Variants in AGBL4 observed in about 807,000 individuals in gnomAD.
The protein encoded by AGBL4 is AGBL carboxypeptidase 4.
AGBL4 carries 58 observed loss-of-function variants against 66.4 expected under a neutral mutation model. The ratio of observed to expected loss-of-function variants is 0.87; its 90% CI spans 0.71 to 1.09. AGBL4 has a LOEUF of 1.09. AGBL4 is among the 50% of genes least tolerant of loss of function. The pLI is 0.00. For missense variants in AGBL4, 579 were observed against 631.0 expected (o/e 0.92, Z 0.88); for synonymous variants, 234 against 222.9 (o/e 1.05, Z -0.44).
intron 1 of AGBL4, among the ~76,000 whole-genome samples, chr1:49,960,237 A>G (rs1657007741): frequency 6.6e-6 from 1 of 152,078 alleles, no homozygotes; most frequent in Non-Finnish European, 1.5e-5. Flanking sequence ...ATTCGCCCAT[A>G]AAAAAGAATA....
At chr1:49,304,610 G>T (rs1201599649) in intron 3 of AGBL4, among the ~76,000 whole-genome samples, 1 of 152,080 alleles carries the variant, frequency 6.6e-6, no homozygotes, top group African/African-American at 2.4e-5. Context: ...AGGTGGATGG[G>T]ACTTGTAAAC....
chr1:48,781,967 C>A (rs1645305996), intron 6 of AGBL4, among the ~76,000 whole-genome samples: 2 of 152,230 alleles, frequency 1.3e-5, no homozygotes, highest in African/African-American at 4.8e-5. Context: ...TACATGATCT[C>A]AATTACTTCA....
intron 9 of AGBL4, 124 bp downstream of exon 9, chr1:48,634,369 T>C: frequency 1.4e-6 from 1 of 706,714 alleles, no homozygotes; most frequent in Admixed American, 2.4e-5. Context: ...GCAGGCCTAG[T>C]GCCTCCCTGG....
chr1:49,935,904 A>G (rs555249477), intron 1 of AGBL4, among the ~76,000 whole-genome samples: 48 of 152,246 alleles, frequency 3.2e-4, no homozygotes, highest in African/African-American at 1.1e-3. Flanking sequence ...GAGCAGAAAA[A>G]CTGGAAACTC....
At chr1:48,906,598 T>G (rs1652615957) in intron 5 of AGBL4, among the ~76,000 whole-genome samples, 1 of 152,208 alleles carries the variant, frequency 6.6e-6, no homozygotes, top group East Asian at 1.9e-4. Context: ...AACAGCATAT[T>G]CAGAGTTGGG....
intron 3 of AGBL4, among the ~76,000 whole-genome samples, chr1:49,659,218 T>C (rs2124483878): frequency 6.6e-6 from 1 of 152,160 alleles, no homozygotes; most frequent in East Asian, 1.9e-4. Context: ...CACATTGAAG[T>C]ACACAGACCA....
intron 2 of AGBL4, among the ~76,000 whole-genome samples, chr1:49,741,077 T>TAA (rs140051736): frequency 6.6e-5 from 10 of 151,696 alleles, no homozygotes; most frequent in Admixed American, 1.3e-4. Context: ...GATAGAGACA[T>TAA]AAAAAAACCC....
Position 49,688,446 on chromosome 1 carries a change from T to C in AGBL4, c.282+8867A>G, listed in dbSNP as rs1329986226. ...TATGGCTGAATAGTACTCCATTGTG[T>C]AGGTGTACCATTTTTCTTTATCCAT... On this transcript the variant is annotated intron_variant, in intron 3 of 13. Coordinates refer to ENST00000371839, the MANE Select transcript of AGBL4 (RefSeq NM_032785.4). 3.9e-5 allele frequency among the ~76,000 whole-genome samples: 6 copies of C among 152,238 alleles called. No homozygotes were observed. In the East Asian group the frequency reaches 1.2e-3, roughly 29 times the overall value.
intron 1 of AGBL4, among the ~76,000 whole-genome samples, chr1:49,935,622 A>G (rs1301185842): frequency 6.6e-6 from 1 of 151,998 alleles, no homozygotes; most frequent in African/African-American, 2.4e-5. Flanking sequence ...ATGGCCGGGT[A>G]CTCCTCTGAG....
At chr1:49,409,563 C>G (rs1041875884) in intron 3 of AGBL4, among the ~76,000 whole-genome samples, 1 of 152,092 alleles carries the variant, frequency 6.6e-6, no homozygotes, top group African/African-American at 2.4e-5. Context: ...GGTGACAGAG[C>G]TACTTAGAGA....
chr1:48,831,111 G>A (rs1254250833), intron 6 of AGBL4, among the ~76,000 whole-genome samples: 1 of 152,206 alleles, frequency 6.6e-6, no homozygotes, highest in South Asian at 2.1e-4. Flanking sequence ...TCTCTCTGAG[G>A]AGAGGCCATT....
intron 1 of AGBL4, among the ~76,000 whole-genome samples, chr1:49,937,788 C>T (rs972798334): frequency 6.6e-6 from 1 of 152,032 alleles, no homozygotes; most frequent in African/African-American, 2.4e-5. Context: ...TTCTTTGAAA[C>T]CAACGAGAAC....
At chr1:48,590,778 C>CGGGGAGGCAGGAAGACCCCTTCCAT in intron 10 of AGBL4, 55 bp downstream of exon 10, 1 of 1,525,300 alleles carries the variant, frequency 6.6e-7, no homozygotes, top group Non-Finnish European at 8.8e-7. Flanking sequence ...AGAAGGAAGA[C>CGGGGAGGCAGGAAGACCCCTTCCAT]GGGGAGGCAG....
chr1:49,148,659 C>A (rs1646267091), intron 4 of AGBL4, among the ~76,000 whole-genome samples: 1 of 152,174 alleles, frequency 6.6e-6, no homozygotes, highest in East Asian at 1.9e-4. Context: ...ACTAGACGTG[C>A]CTAACTTGAA....
intron 3 of AGBL4, among the ~76,000 whole-genome samples, chr1:49,667,337 A>C (rs1646390903): frequency 6.6e-6 from 1 of 151,938 alleles, no homozygotes; most frequent in Non-Finnish European, 1.5e-5. Flanking sequence ...ACGTGCCTAT[A>C]GTTACTGCTA....
intron 5 of AGBL4, among the ~76,000 whole-genome samples, chr1:48,878,458 G>T (rs1352876881): frequency 6.6e-6 from 1 of 152,152 alleles, no homozygotes; most frequent in Non-Finnish European, 1.5e-5. Flanking sequence ...CTTTGAAATG[G>T]GTTTAACAAA....
intron 4 of AGBL4, among the ~76,000 whole-genome samples, chr1:49,117,722 T>G (rs1645557879): frequency 1.3e-5 from 2 of 152,346 alleles, no homozygotes; most frequent in South Asian, 4.1e-4. Flanking sequence ...TGGTTCCATA[T>G]GAACTTTAAA....
At chr1:48,613,318 T>C (rs1208912544) in intron 9 of AGBL4, among the ~76,000 whole-genome samples, 1 of 152,246 alleles carries the variant, frequency 6.6e-6, no homozygotes, top group Non-Finnish European at 1.5e-5. Context: ...AGAATATTAA[T>C]TTGCTTCCCT....
chr1:49,982,062 C>A (rs28695358), intron 1 of AGBL4, among the ~76,000 whole-genome samples: 8,104 of 152,270 alleles, frequency 0.053, 241 homozygotes, highest in African/African-American at 0.071. Context: ...GTGTCCACTA[C>A]GGGTATTTCT....
Sources: gnomAD v4.1 joint callset for allele counts (sites outside exome capture counted in the v4.1 genomes callset) on GRCh38, gnomAD v4.1.1 for gene constraint, MANE v1.5 for transcripts, NCBI Gene and HGNC (gene_info 2026-07-23, HGNC 2026-07-21) for gene names.